SLIT1: variants seen among roughly 807,000 people sequenced by gnomAD.
The protein encoded by SLIT1 is slit homolog 1 protein.
Under a neutral mutation model 186.1 loss-of-function variants are expected in SLIT1, and 66 were observed. That is an observed-to-expected ratio of 0.35 (90% CI 0.29 to 0.44). The LOEUF (loss-of-function observed/expected upper bound fraction) is 0.44. Among genes scored for constraint, SLIT1 ranks in the 20% least tolerant of loss-of-function variants. SLIT1 has a pLI of 1.00. For synonymous variants in SLIT1, 761 were observed against 833.8 expected (o/e 0.91, Z 1.50); for missense variants, 1,638 against 2,037.4 (o/e 0.80, Z 3.77).
intron 1 of SLIT1, among the ~76,000 whole-genome samples, chr10:97,181,115 G>A (rs1005598002): frequency 2.6e-5 from 4 of 152,174 alleles, no homozygotes; most frequent in African/African-American, 9.7e-5. Flanking sequence ...GGAGAGGCAC[G>A]GCACGGGGGT....
intron 4 of SLIT1, among the ~76,000 whole-genome samples, chr10:97,093,492 CCTT>C (rs1849254668): frequency 6.6e-6 from 1 of 152,210 alleles, no homozygotes; most frequent in South Asian, 2.1e-4. Context: ...TCACTACTTT[CCTT>C]CTTCTTCCTG....
chr10:97,143,810 A>G (rs1293869575), intron 4 of SLIT1, among the ~76,000 whole-genome samples: 1 of 152,210 alleles, frequency 6.6e-6, no homozygotes, highest in Non-Finnish European at 1.5e-5. Context: ...CGAACTTCTA[A>G]TGCCAAGATA....
At chr10:97,056,812 T>A (rs1282439633) in intron 12 of SLIT1, among the ~76,000 whole-genome samples, 1 of 152,208 alleles carries the variant, frequency 6.6e-6, no homozygotes, top group East Asian at 1.9e-4. Flanking sequence ...CCCAGGCAGC[T>A]GAGTTGGAGC....
At chr10:97,025,219 G>A (rs1848534248) in intron 25 of SLIT1, among the ~76,000 whole-genome samples, 1 of 152,206 alleles carries the variant, frequency 6.6e-6, no homozygotes. Context: ...AGGTTGCAGT[G>A]AGCTGAGATC....
rs766162059 is a variant in SLIT1, at chr10:97,001,330, G to T, written c.4387C>A (p.Pro1463Thr). 2 of 1,612,600 alleles carry T rather than the reference G, an allele frequency of 1.2e-6. No individual in the cohort carries two copies. Among genetic ancestry groups the T allele is most frequent in the African/African-American group, 2.7e-5 (2 of 74,916 alleles). Reference sequence around the variant, plus strand: ...TGGACCTGGTGAAAGTCCCGGACAGGGTCCCCCCGGCACTCGGACTCTGGA... The same window carrying T: ...TGGACCTGGTGAAAGTCCCGGACAGTGTCCCCCCGGCACTCGGACTCTGGA... ...CEQESECRGD[P>T]VRDFHQVQRG... is the part of the protein sequence containing the mutation. Residue 1463 changes from proline to threonine, a missense_variant, in exon 37 of 37, where the codon CCT (proline) becomes ACT (threonine). Coordinates refer to ENST00000266058, the MANE Select transcript of SLIT1 (RefSeq NM_003061.3).
At chr10:97,180,588 C>T (rs1324924118) in intron 1 of SLIT1, among the ~76,000 whole-genome samples, 1 of 152,186 alleles carries the variant, frequency 6.6e-6, no homozygotes, top group Non-Finnish European at 1.5e-5. Context: ...CATCACTTGC[C>T]CAAGGCCCCG....
At chr10:97,147,419 AAAT>A (rs1443546166) in intron 4 of SLIT1, among the ~76,000 whole-genome samples, 3 of 152,256 alleles carry the variant, frequency 2.0e-5, no homozygotes, top group Non-Finnish European at 4.4e-5. Flanking sequence ...CTGAAATGAT[AAAT>A]ATTATGTATA....
chr10:97,052,104 GTT>G (rs372886018), intron 13 of SLIT1, among the ~76,000 whole-genome samples: 4 of 137,086 alleles, frequency 2.9e-5, no homozygotes, highest in Non-Finnish European at 3.1e-5. Context: ...TTTTTTGTTT[GTT>G]TTTTTTTTTT....
chr10:97,007,790 T>C (rs1011677826), intron 31 of SLIT1, among the ~76,000 whole-genome samples: 1 of 152,070 alleles, frequency 6.6e-6, no homozygotes, highest in Non-Finnish European at 1.5e-5. Context: ...GTGAACTACA[T>C]CAACCTGATA....
In SLIT1 at chr10:97,164,679, C is replaced by T. The variant is rs1850079015; in HGVS notation, c.269+140G>A. The stretch of plus-strand genomic sequence containing the variant: ...ACTCAACATCACCCCACCCGACACC[C>T]CTCAGGATGTCTTGCCAAGACTGAC... On this transcript the variant is annotated intron_variant, in intron 2 of 36. Coordinates refer to ENST00000266058, the MANE Select transcript of SLIT1 (RefSeq NM_003061.3). 4 of 696,920 alleles carry T rather than the reference C, an allele frequency of 5.7e-6. No individual in the cohort carries two copies. In the Admixed American group the frequency reaches 7.8e-5, roughly 14 times the overall value. 43.2% of individuals were successfully genotyped at this position (696,920 alleles called of 1,614,324 possible). A position where few individuals can be genotyped will look rare whatever the true frequency, so the allele number is the denominator to read the frequency against.
chr10:97,091,415 C>A (rs1040054375), intron 4 of SLIT1, among the ~76,000 whole-genome samples: 1 of 152,156 alleles, frequency 6.6e-6, no homozygotes, highest in African/African-American at 2.4e-5. Flanking sequence ...GGTAGAGTTG[C>A]AAATCATTAC....
At chr10:97,074,752 G>C (rs770079712) in intron 4 of SLIT1, among the ~76,000 whole-genome samples, 5 of 152,166 alleles carry the variant, frequency 3.3e-5, no homozygotes, top group African/African-American at 1.2e-4. Context: ...GGGGCCGCCA[G>C]GCCCACACCC....
rs560944727 is a variant in SLIT1, at chr10:97,095,219, G to A, written c.414-29133C>T. Among the ~76,000 whole-genome samples the A allele has an allele frequency of 2.6e-5, 4 of 152,314 alleles. No homozygotes were observed. In the South Asian group the frequency reaches 8.3e-4, roughly 32 times the overall value. The stretch of plus-strand genomic sequence containing the variant: ...AATTAGTTGAACCCGGAAGGTGGAG[G>A]TTGCAGTGAGCAGAGATTGCTCCAG... On this transcript the variant is annotated intron_variant, in intron 4 of 36. Transcript: ENST00000266058.
chr10:97,063,421 G>A (rs762873295), intron 8 of SLIT1, 34 bp downstream of exon 8: 1 of 1,610,232 alleles, frequency 6.2e-7, no homozygotes, highest in African/African-American at 1.3e-5. Flanking sequence ...GGAGGCGCCG[G>A]ACAGTTGAGA....
chr10:97,073,872 C>T (rs1373263995), intron 4 of SLIT1, among the ~76,000 whole-genome samples: 2 of 152,098 alleles, frequency 1.3e-5, no homozygotes. Flanking sequence ...GCTGCCTACT[C>T]CCTCACCTCT....
At position 97,175,709 on chromosome 10, in the gene SLIT1, C is replaced by A. The variant is rs185878286; in HGVS notation, c.197+9769G>T. Among the ~76,000 whole-genome samples, 21 of 152,236 alleles carry A rather than the reference C, an allele frequency of 1.4e-4. No individual in the cohort carries two copies. In the East Asian group the frequency reaches 3.7e-3, roughly 27 times the overall value. On this transcript the variant is annotated intron_variant, in intron 1 of 36. Transcript: ENST00000266058. Reference sequence around the variant, plus strand: ...CCAATCCCCTTCCCAGGTCTGGGACCTACCCCCAAACCACAGCCCTGCAGC... The same window carrying A: ...CCAATCCCCTTCCCAGGTCTGGGACATACCCCCAAACCACAGCCCTGCAGC...
At chr10:97,037,048 T>TTGTGTG (rs59578209) in intron 22 of SLIT1, among the ~76,000 whole-genome samples, 1,212 of 116,944 alleles carry the variant, frequency 0.01, 25 homozygotes, top group South Asian at 0.016. Flanking sequence ...ATAACCCCCT[T>TTGTGTG]TGTGTGTGTG....
chr10:97,106,764 C>T (rs938329668), intron 4 of SLIT1, among the ~76,000 whole-genome samples: 2 of 152,014 alleles, frequency 1.3e-5, no homozygotes, highest in Non-Finnish European at 1.5e-5. Flanking sequence ...CCTGAGCAGA[C>T]AGGCCAGAGG....
chr10:97,139,294 T>C (rs977064988), intron 4 of SLIT1, among the ~76,000 whole-genome samples: 4 of 152,122 alleles, frequency 2.6e-5, no homozygotes, highest in Admixed American at 2.0e-4. Flanking sequence ...AGGAATCACA[T>C]TAAGGATTCA....
Sources: allele counts gnomAD v4.1 joint callset (sites outside exome capture counted in the v4.1 genomes callset), GRCh38; gene constraint gnomAD v4.1.1; transcripts MANE v1.5; gene names NCBI Gene and HGNC (gene_info 2026-07-23, HGNC 2026-07-21).